Variants in ADAM28 observed in about 807,000 individuals in gnomAD.
The protein encoded by ADAM28 is ADAM metallopeptidase domain 28.
In ADAM28, 105 loss-of-function variants were observed where a neutral mutation model predicts 101.2. That is an observed-to-expected ratio of 1.04 (90% CI 0.89 to 1.22). ADAM28 has a LOEUF of 1.22. ADAM28 is among the 50% of genes most tolerant of loss of function. The probability of loss-of-function intolerance (pLI) is 0.00; values close to 1 mark genes in which losing one functional copy is unlikely to be tolerated. For synonymous variants in ADAM28, 322 were observed against 310.6 expected, an observed-to-expected ratio of 1.04 and a Z score of -0.39; for missense variants, 1,028 against 945.4, an observed-to-expected ratio of 1.09 and a Z score of -1.15.
chr8:24,295,639 A>C (rs1464276270), intron 1 of ADAM28, among the ~76,000 whole-genome samples: 1 of 152,126 alleles, frequency 6.6e-6, no homozygotes, highest in Non-Finnish European at 1.5e-5. Context: ...TGCACATTAC[A>C]GTCCTTTTGT....
intron 6 of ADAM28, among the ~76,000 whole-genome samples, chr8:24,316,316 G>C (rs1044954126): frequency 7.9e-5 from 12 of 151,802 alleles, no homozygotes; most frequent in South Asian, 2.1e-4. Context: ...GCCTTCTACT[G>C]AAATTCATTT....
chr8:24,297,134 A>G (rs1027047091), intron 1 of ADAM28, among the ~76,000 whole-genome samples: 2 of 151,676 alleles, frequency 1.3e-5, no homozygotes, highest in African/African-American at 4.8e-5. Flanking sequence ...GAGGTTGCCA[A>G]TGATTTCTAA....
At chr8:24,345,471 C>T (rs892649485) in intron 18 of ADAM28, among the ~76,000 whole-genome samples, 2 of 151,920 alleles carry the variant, frequency 1.3e-5, no homozygotes, top group African/African-American at 4.8e-5. Context: ...TCTCTTATTA[C>T]TTATAATGAC....
At chr8:24,307,947 C>A (rs544982342) in intron 2 of ADAM28, among the ~76,000 whole-genome samples, 5 of 152,304 alleles carry the variant, frequency 3.3e-5, no homozygotes, top group East Asian at 1.9e-4. Context: ...GAATTAAGAA[C>A]CTCTCTGTGT....
Position 24,326,646 on chromosome 8 carries a change from T to C in ADAM28, c.972+11T>C. 1 of 1,605,344 alleles carries C rather than the reference T, an allele frequency of 6.2e-7. No individual in the cohort carries two copies. Among genetic ancestry groups the C allele is most frequent in the Admixed American group, 1.7e-5 (1 of 59,342 alleles). ...GTTGGCGTTGTTCAGGTCTGTATGA[T>C]GATAAACTGTTGGTTCTATGATTTA... is the stretch of plus-strand genomic sequence containing the variant. On this transcript the variant is annotated intron_variant, in intron 10 of 22. Transcript: ENST00000265769.
chr8:24,325,065 C>T (rs1009501564), intron 9 of ADAM28: 9 of 151,880 alleles, frequency 5.9e-5, no homozygotes, highest in South Asian at 2.1e-4. Flanking sequence ...GGGAAGCAGC[C>T]GACACAATTT....
chr8:24,333,570 A>G (rs192664025), intron 13 of ADAM28, among the ~76,000 whole-genome samples: 1 of 152,248 alleles, frequency 6.6e-6, no homozygotes, highest in Non-Finnish European at 1.5e-5. Context: ...AAGTGTGATC[A>G]TCTCCAAAGC....
chr8:24,326,506 A>G lies in ADAM28; in HGVS notation c.891-48A>G, dbSNP rs745551119. On this transcript the variant is annotated intron_variant, in intron 9 of 22. Coordinates refer to ENST00000265769, the MANE Select transcript of ADAM28 (RefSeq NM_014265.6). ...TTTTGGATGTATTGTCTATAAAAAT[A>G]GAGCTTAGCATTATAATTTGTTACA... The G allele has an allele frequency of 3.9e-6, 6 of 1,549,856 alleles. No individual in the cohort carries two copies. In the Admixed American group the frequency reaches 1.0e-4, roughly 26 times the overall value.
chr8:24,351,296 G>C lies in ADAM28; in HGVS notation c.2164G>C (p.Val722Leu), dbSNP rs760761126. 1 of 1,613,446 alleles carries C rather than the reference G, an allele frequency of 6.2e-7. No homozygotes were observed. The highest frequency in any genetic ancestry group is 2.2e-5 in the East Asian group (1 of 44,836). Residue 722 changes from valine (V) to leucine (L), a missense_variant, in exon 20 of 23, where the codon GTT becomes CTT. Val to Leu is a conservative substitution (Grantham distance 32, BLOSUM62 1). Coordinates refer to ENST00000265769, the MANE Select transcript of ADAM28 (RefSeq NM_014265.6). ...GAGGAAACCCCAGATGGTAAAGGCT[G>C]TTCAACCCCAAGAGGTGAACTATAT... is the stretch of plus-strand genomic sequence containing the variant. ...QKRKPQMVKAVQPQEMSQMKP... is the reference protein window; with the variant it reads ...QKRKPQMVKALQPQEMSQMKP...
chr8:24,314,915 C>T (rs1440721305), intron 6 of ADAM28, among the ~76,000 whole-genome samples: 8 of 131,120 alleles, frequency 6.1e-5, no homozygotes, highest in African/African-American at 2.0e-4. Flanking sequence ...GTAAACCTCA[C>T]GGTAAATACA....
chr8:24,342,694 T>C (rs1814923455), intron 16 of ADAM28, among the ~76,000 whole-genome samples: 1 of 152,120 alleles, frequency 6.6e-6, no homozygotes, highest in Non-Finnish European at 1.5e-5. Flanking sequence ...TTAAAGACAT[T>C]GAGACATTAT....
intron 16 of ADAM28, 108 bp from the exon 17 acceptor site, chr8:24,342,993 C>T (rs1814970032): frequency 2.6e-6 from 4 of 1,527,030 alleles, no homozygotes; most frequent in Non-Finnish European, 3.5e-6. Flanking sequence ...CATCAGCCTC[C>T]TGGCAGAGCC....
chr8:24,354,493 C>G lies in ADAM28; in HGVS notation c.*89C>G. The G allele has an allele frequency of 7.5e-7, 1 of 1,326,338 alleles. No individual in the cohort carries two copies. Among genetic ancestry groups the G allele is most frequent in the Non-Finnish European group, 1.0e-6 (1 of 962,986 alleles). 82.2% of individuals were successfully genotyped at this position (1,326,338 alleles called of 1,614,324 possible). ...GCAGAGAAATATACTATCTATCTCA[C>G]CAGTATTTGCTCTCGACTCAAGAAG... On this transcript the variant is annotated 3_prime_UTR_variant, in exon 23 of 23. Transcript: ENST00000265769.
At chr8:24,343,238 A>G (rs147466195) in intron 17 of ADAM28, 57 bp downstream of exon 17, 10 of 1,568,952 alleles carry the variant, frequency 6.4e-6, no homozygotes, top group African/African-American at 1.4e-5. Flanking sequence ...ATTCTAGGTC[A>G]GTCATAAGAA....
At position 24,351,253 on chromosome 8, in the gene ADAM28, C is replaced by A; in HGVS notation, c.2121C>A (p.Thr707=). 2 of 1,606,886 alleles carry A rather than the reference C, an allele frequency of 1.2e-6. No individual in the cohort carries two copies. Among genetic ancestry groups the A allele is most frequent in the Non-Finnish European group, 1.7e-6 (2 of 1,176,750 alleles). The change falls in exon 20 of 23, where the codon ACC becomes ACA. Residue 707 remains threonine, a synonymous_variant. Coordinates refer to ENST00000265769, the MANE Select transcript of ADAM28 (RefSeq NM_014265.6). Reference sequence around the variant, plus strand: ...ACAGGCCACTATCTACCACTGGCACCAGGCCACACAAACAGAAGAGGAAAC... The same window carrying A: ...ACAGGCCACTATCTACCACTGGCACAAGGCCACACAAACAGAAGAGGAAAC... The part of the protein sequence containing the change: ...KDQRPLSTTG[T]RPHKQKRKPQ...
At chr8:24,335,832 C>G (rs1313774546) in intron 14 of ADAM28, 191 bp downstream of exon 14, 1 of 1,254,608 alleles carries the variant, frequency 8.0e-7, no homozygotes, top group African/African-American at 1.5e-5. Context: ...ATAAGGATGG[C>G]CCCGTTAAAT....
intron 21 of ADAM28, among the ~76,000 whole-genome samples, chr8:24,352,601 G>A (rs1158782840): frequency 2.6e-5 from 4 of 152,144 alleles, no homozygotes; most frequent in African/African-American, 7.2e-5. Context: ...CTGGGGATTA[G>A]GGTTTCAACA....
In ADAM28 at chr8:24,341,597, G is replaced by A. The variant is rs1814773087; in HGVS notation, c.1671-1G>A. 2.5e-6 allele frequency: 4 copies of A among 1,611,662 alleles called. No homozygotes were observed. The highest frequency in any genetic ancestry group is 3.4e-6 in the Non-Finnish European group (4 of 1,178,762). ...GCAATACATTTTGGCTTTTTCCTCA[G>A]TGATACCATGTGTGGGAAGTTGTTC... is the stretch of plus-strand genomic sequence containing the variant. On this transcript the variant is annotated splice_acceptor_variant, in intron 15 of 22. Coordinates refer to ENST00000265769, the MANE Select transcript of ADAM28 (RefSeq NM_014265.6). LOFTEE classifies it high-confidence loss of function.
intron 14 of ADAM28, among the ~76,000 whole-genome samples, chr8:24,337,411 C>T (rs1327070836): frequency 6.6e-6 from 1 of 152,202 alleles, no homozygotes; most frequent in Non-Finnish European, 1.5e-5. Flanking sequence ...ACAATATTAA[C>T]TGTTACCCTC....
Sources: gnomAD v4.1 joint callset for allele counts (sites outside exome capture counted in the v4.1 genomes callset) on GRCh38, gnomAD v4.1.1 for gene constraint, MANE v1.5 for transcripts, NCBI Gene and HGNC (gene_info 2026-07-23, HGNC 2026-07-21) for gene names.